Variants in RASA1 observed in about 807,000 individuals in gnomAD.
The protein encoded by RASA1 is ras GTPase-activating protein 1.
RASA1 carries 25 observed loss-of-function variants against 132.2 expected under a neutral mutation model. That is an observed-to-expected ratio of 0.19 (90% CI 0.14 to 0.26). The LOEUF (loss-of-function observed/expected upper bound fraction) is 0.26, where lower values mean the gene tolerates loss of function less well. Among genes scored for constraint, RASA1 ranks in the 10% least tolerant of loss-of-function variants. The pLI is 1.00. For synonymous variants in RASA1, 477 were observed against 449.9 expected, an observed-to-expected ratio of 1.06 and a Z score of -0.76; for missense variants, 964 against 1,299.2, an observed-to-expected ratio of 0.74 and a Z score of 3.97.
chr5:87,323,743 C>T (rs1245012667), intron 1 of RASA1, among the ~76,000 whole-genome samples: 4 of 151,444 alleles, frequency 2.6e-5, no homozygotes, highest in African/African-American at 9.7e-5. Flanking sequence ...GTGCTTTTTC[C>T]CACTGCCTGT....
At chr5:87,300,548 C>T (rs1353366567) in intron 1 of RASA1, among the ~76,000 whole-genome samples, 1 of 152,012 alleles carries the variant, frequency 6.6e-6, no homozygotes, top group Non-Finnish European at 1.5e-5. Context: ...GAAAGCTTCC[C>T]TAGCTGGTAA....
intron 5 of RASA1, among the ~76,000 whole-genome samples, chr5:87,338,732 T>TA (rs1218567457): frequency 6.6e-6 from 1 of 151,128 alleles, no homozygotes; most frequent in Non-Finnish European, 1.5e-5. Context: ...AGTGAAGTTA[T>TA]ATCAGTCTGA....
chr5:87,287,643 C>CAT (rs1236334026), intron 1 of RASA1, among the ~76,000 whole-genome samples: 2 of 143,388 alleles, frequency 1.4e-5, no homozygotes, highest in African/African-American at 5.4e-5. Flanking sequence ...ATAGATATAC[C>CAT]ATATATATAC....
intron 7 of RASA1, 138 bp from the exon 8 acceptor site, chr5:87,349,076 T>G: frequency 9.3e-7 from 1 of 1,075,774 alleles, no homozygotes; most frequent in East Asian, 2.6e-5. Flanking sequence ...TGAAAGAAAT[T>G]ATCTTAAAAA....
At chr5:87,320,390 A>T (rs1756697571) in intron 1 of RASA1, among the ~76,000 whole-genome samples, 1 of 152,208 alleles carries the variant, frequency 6.6e-6, no homozygotes, top group Non-Finnish European at 1.5e-5. Context: ...TGCTACAAAG[A>T]ACTACCTGAG....
intron 15 of RASA1, among the ~76,000 whole-genome samples, chr5:87,375,249 T>C (rs548968414): frequency 7.1e-4 from 108 of 152,072 alleles, no homozygotes; most frequent in Non-Finnish European, 1.4e-3. Flanking sequence ...TTCTACTTTT[T>C]AGGTTTTTCC....
intron 8 of RASA1, among the ~76,000 whole-genome samples, chr5:87,350,821 C>T (rs1026264964): frequency 6.6e-6 from 1 of 151,310 alleles, no homozygotes; most frequent in Non-Finnish European, 1.5e-5. Flanking sequence ...TTTATAAATT[C>T]ATCTTATTGT....
At chr5:87,301,716 G>A (rs923968039) in intron 1 of RASA1, among the ~76,000 whole-genome samples, 3 of 152,026 alleles carry the variant, frequency 2.0e-5, no homozygotes, top group Admixed American at 1.3e-4. Flanking sequence ...ATTCCAATGA[G>A]CATTTCCTTT....
rs1367093638 is a variant in RASA1, at chr5:87,391,567, A to C, written c.*684A>C. 4.2e-6 allele frequency: 1 copy of C among 236,154 alleles called. No homozygotes were observed. Among genetic ancestry groups the C allele is most frequent in the African/African-American group, 2.2e-5 (1 of 45,340 alleles). 14.6% of individuals were successfully genotyped at this position (236,154 alleles called of 1,614,324 possible). A position where few individuals can be genotyped will look rare whatever the true frequency, so the allele number is the denominator to read the frequency against. On this transcript the variant is annotated 3_prime_UTR_variant, in exon 25 of 25. Transcript: ENST00000274376. ...TTGTCAAAGACTGTATTTAGATCTC[A>C]TAATGCTTTGTTAAATGTTTACAAG... is the stretch of plus-strand genomic sequence containing the variant.
chr5:87,391,648 A>AC lies in RASA1; in HGVS notation c.*768dup. The AC allele has an allele frequency of 4.3e-6, 1 of 233,344 alleles. No individual in the cohort carries two copies. The highest frequency in any genetic ancestry group is 8.5e-6 in the Non-Finnish European group (1 of 117,968). The allele number at this position is 233,344 out of a possible 1,614,324, so 14.5% of individuals were successfully genotyped here. A position where few individuals can be genotyped will look rare whatever the true frequency, so the allele number is the denominator to read the frequency against. ...GTTGTTGTATTGATCAATGCATGTT[A>AC]CCCATTCAACCATTTTATAGACTAC... On this transcript the variant is annotated 3_prime_UTR_variant, in exon 25 of 25. Transcript: ENST00000274376.
At chr5:87,355,907 C>T (rs1759614101) in intron 9 of RASA1, among the ~76,000 whole-genome samples, 3 of 152,130 alleles carry the variant, frequency 2.0e-5, no homozygotes, top group African/African-American at 7.2e-5. Context: ...AGATGTGGTA[C>T]AAGTAGCAGG....
chr5:87,276,619 G>T (rs1754072888), intron 1 of RASA1, among the ~76,000 whole-genome samples: 1 of 152,090 alleles, frequency 6.6e-6, no homozygotes, highest in Admixed American at 6.5e-5. Flanking sequence ...CGTTGTGCAG[G>T]TAAATTTTTC....
chr5:87,351,189 A>G (rs1249610146), intron 8 of RASA1, among the ~76,000 whole-genome samples: 21 of 151,704 alleles, frequency 1.4e-4, no homozygotes. Context: ...TTAAAAAAAA[A>G]AAGCAGAAGA....
intron 3 of RASA1, among the ~76,000 whole-genome samples, 193 bp from the exon 4 acceptor site, chr5:87,333,073 TG>T (rs1757711021): frequency 6.6e-6 from 1 of 152,084 alleles, no homozygotes; most frequent in African/African-American, 2.4e-5. Flanking sequence ...ATTTAAAATA[TG>T]ATTTTCATAA....
At chr5:87,315,156 C>CA (rs1423667306) in intron 1 of RASA1, among the ~76,000 whole-genome samples, 2 of 152,138 alleles carry the variant, frequency 1.3e-5, no homozygotes, top group African/African-American at 4.8e-5. Flanking sequence ...GGCTAACAGG[C>CA]AAAAACTTCA....
In RASA1 at chr5:87,268,231, G is replaced by GT; in HGVS notation, c.-215dup. ...TGGGTGGCGTTTGTGCAGGCGTTGG[G>GT]TTTTTTGCCCACTTGGCTTCCCGTA... On this transcript the variant is annotated 5_prime_UTR_variant, in exon 1 of 25. Coordinates refer to ENST00000274376, the MANE Select transcript of RASA1 (RefSeq NM_002890.3). The GT allele has an allele frequency of 1.3e-5, 8 of 637,646 alleles. No homozygotes were observed. The South Asian group carries it at 1.4e-4, about 11-fold the overall frequency. 39.5% of individuals were successfully genotyped at this position (637,646 alleles called of 1,614,324 possible). A position where few individuals can be genotyped will look rare whatever the true frequency, so the allele number is the denominator to read the frequency against.
chr5:87,333,431 GA>G, intron 4 of RASA1, 94 bp downstream of exon 4: 1 of 1,553,824 alleles, frequency 6.4e-7, no homozygotes, highest in Non-Finnish European at 8.7e-7. Context: ...GAAATTTGAA[GA>G]AATGGCATAC....
chr5:87,371,556 G>T (rs1372624602), intron 12 of RASA1, among the ~76,000 whole-genome samples: 1 of 152,042 alleles, frequency 6.6e-6, no homozygotes, highest in Admixed American at 6.6e-5. Flanking sequence ...AGGCTAAAAT[G>T]ATTTTTAAAA....
intron 5 of RASA1, among the ~76,000 whole-genome samples, chr5:87,339,451 T>TGTTA (rs945919004): frequency 2.6e-5 from 4 of 152,332 alleles, no homozygotes; most frequent in African/African-American, 9.6e-5. Context: ...CTATAAAATT[T>TGTTA]GTTAGTTACA....
Sources: gnomAD v4.1 joint callset for allele counts (sites outside exome capture counted in the v4.1 genomes callset) on GRCh38, gnomAD v4.1.1 for gene constraint, MANE v1.5 for transcripts, NCBI Gene and HGNC (gene_info 2026-07-23, HGNC 2026-07-21) for gene names.